The following VRK1 variants were observed in gnomAD, a reference collection of about 807,000 sequenced individuals.
VRK1 encodes serine/threonine-protein kinase VRK1.
A neutral mutation model predicts 57.1 loss-of-function variants in VRK1; 33 were observed. The ratio of observed to expected loss-of-function variants is 0.58; its 90% CI spans 0.44 to 0.77. The LOEUF (loss-of-function observed/expected upper bound fraction) is 0.77, where lower values mean the gene tolerates loss of function less well. Among genes scored for constraint, VRK1 ranks in the 30% least tolerant of loss-of-function variants. VRK1 has a pLI of 0.00. For synonymous variants in VRK1, 137 were observed against 147.8 expected, an observed-to-expected ratio of 0.93 and a Z score of 0.53; for missense variants, 413 against 477.3, an observed-to-expected ratio of 0.87 and a Z score of 1.25.
intron 5 of VRK1, among the ~76,000 whole-genome samples, chr14:96,848,317 C>T (rs1887797229): frequency 6.6e-6 from 1 of 152,154 alleles, no homozygotes; most frequent in Non-Finnish European, 1.5e-5. Flanking sequence ...AAAGCTTTCC[C>T]AGGAGCCCTG....
At chr14:96,880,415 A>G (rs1320117489) in intron 12 of VRK1, among the ~76,000 whole-genome samples, 1 of 152,208 alleles carries the variant, frequency 6.6e-6, no homozygotes, top group African/African-American at 2.4e-5. Flanking sequence ...GGCAGTGGGA[A>G]AGAAATGGCC....
At chr14:96,847,089 C>T (rs1003203417) in intron 4 of VRK1, among the ~76,000 whole-genome samples, 168 bp from the exon 5 acceptor site, 1 of 152,084 alleles carries the variant, frequency 6.6e-6, no homozygotes, top group African/African-American at 2.4e-5. Flanking sequence ...ATGTTTTCAT[C>T]GTAAAATGCT....
At chr14:96,833,776 C>G in intron 2 of VRK1, 145 bp downstream of exon 2, 1 of 1,180,402 alleles carries the variant, frequency 8.5e-7, no homozygotes, top group Non-Finnish European at 1.2e-6. Flanking sequence ...AAATGCATCT[C>G]TGACGTAGGA....
intron 12 of VRK1, chr14:96,877,455 A>G: frequency 1.6e-6 from 2 of 1,272,958 alleles, no homozygotes; most frequent in Non-Finnish European, 2.1e-6. Flanking sequence ...TCCTTTCGCT[A>G]CTGTCTTTTT....
At chr14:96,839,923 C>T (rs546698619) in intron 3 of VRK1, among the ~76,000 whole-genome samples, 4 of 152,074 alleles carry the variant, frequency 2.6e-5, no homozygotes, top group East Asian at 1.9e-4. Context: ...GAGTGTTGAC[C>T]GAACTTTGTA....
At chr14:96,806,397 G>C (rs905807280) in intron 1 of VRK1, among the ~76,000 whole-genome samples, 1 of 152,218 alleles carries the variant, frequency 6.6e-6, no homozygotes, top group Non-Finnish European at 1.5e-5. Flanking sequence ...CTCCTAGCCA[G>C]CTAGGTTTAC....
At chr14:96,846,018 G>C in intron 3 of VRK1, 77 bp from the exon 4 acceptor site, 2 of 1,276,600 alleles carry the variant, frequency 1.6e-6, no homozygotes, top group South Asian at 2.4e-5. Context: ...AGATTTGTTG[G>C]TCTTTTTTGA....
In VRK1 at chr14:96,860,842, A is replaced by G. The variant is rs573999572; in HGVS notation, c.1068+107A>G. 1.4e-4 allele frequency: 169 copies of G among 1,230,146 alleles called. 1 individual carries two copies. The African/African-American group carries it at 2.3e-3, about 17-fold the overall frequency. 76.2% of individuals were successfully genotyped at this position (1,230,146 alleles called of 1,614,324 possible). A position where few individuals can be genotyped will look rare whatever the true frequency, so the allele number is the denominator to read the frequency against. On this transcript the variant is annotated intron_variant, in intron 11 of 12. Transcript: ENST00000216639. ...TCAATGAAGAACAATAACAGATTGCATGGCAATTAAGGCAAACATTTTTTG... is the reference window on the plus strand; with the variant it reads ...TCAATGAAGAACAATAACAGATTGCGTGGCAATTAAGGCAAACATTTTTTG...
At chr14:96,864,539 G>A (rs904766116) in intron 11 of VRK1, among the ~76,000 whole-genome samples, 1 of 152,024 alleles carries the variant, frequency 6.6e-6, no homozygotes, top group Non-Finnish European at 1.5e-5. Context: ...TCCAGTTTCC[G>A]GCAGTTGTGA....
intron 3 of VRK1, among the ~76,000 whole-genome samples, chr14:96,839,915 G>A (rs944815398): frequency 5.9e-5 from 9 of 152,208 alleles, no homozygotes; most frequent in African/African-American, 2.2e-4. Context: ...TGATATTTGA[G>A]TGTTGACCGA....
rs569475303 is a variant in VRK1, at chr14:96,859,653, G to A, written c.890-904G>A. On this transcript the variant is annotated intron_variant, in intron 10 of 12. Transcript: ENST00000216639. ...TGAGTTAATGAATGTGTGTATATAT[G>A]CACACGCTTGTGTGTGTGTGTGTAG... Among the ~76,000 whole-genome samples the A allele has an allele frequency of 8.5e-5, 13 of 152,184 alleles. 1 individual carries two copies. The highest frequency in any genetic ancestry group is 3.1e-4 in the African/African-American group (13 of 41,518).
At chr14:96,871,648 C>T (rs1340943138) in intron 11 of VRK1, among the ~76,000 whole-genome samples, 2 of 152,170 alleles carry the variant, frequency 1.3e-5, no homozygotes, top group Non-Finnish European at 2.9e-5. Flanking sequence ...CAGTGCCAGG[C>T]ACACAGTAGA....
At chr14:96,824,450 C>T (rs529240920) in intron 1 of VRK1, among the ~76,000 whole-genome samples, 7 of 152,024 alleles carry the variant, frequency 4.6e-5, no homozygotes, top group Admixed American at 3.9e-4. Context: ...GATTCAGTGT[C>T]AGCTAGATTT....
chr14:96,798,755 C>T (rs1252962287), intron 1 of VRK1, among the ~76,000 whole-genome samples: 1 of 152,102 alleles, frequency 6.6e-6, no homozygotes, highest in Non-Finnish European at 1.5e-5. Context: ...CAGAAGGAAG[C>T]AAGGGTTCTT....
chr14:96,810,786 T>C (rs564994863), intron 1 of VRK1, among the ~76,000 whole-genome samples: 72 of 152,368 alleles, frequency 4.7e-4, no homozygotes, highest in African/African-American at 1.6e-3. Flanking sequence ...AGAATCTTCT[T>C]ATATCTGGAT....
At chr14:96,864,673 T>C (rs1312498764) in intron 11 of VRK1, among the ~76,000 whole-genome samples, 3 of 152,142 alleles carry the variant, frequency 2.0e-5, no homozygotes, top group African/African-American at 7.2e-5. Context: ...TTTGTAGATA[T>C]TGCCAATTTT....
intron 11 of VRK1, among the ~76,000 whole-genome samples, chr14:96,867,457 G>GT (rs1491106991): frequency 1.3e-4 from 1 of 7,634 alleles, no homozygotes; most frequent in East Asian, 0.025. Context: ...CTGTGCACAA[G>GT]TGTGTGTGTG....
intron 10 of VRK1, 56 bp downstream of exon 10, chr14:96,856,642 G>T (rs1888167086): frequency 1.4e-6 from 2 of 1,450,080 alleles, no homozygotes; most frequent in Non-Finnish European, 1.9e-6. Context: ...GGATAAAAAG[G>T]CATGATATCC....
intron 1 of VRK1, among the ~76,000 whole-genome samples, chr14:96,815,687 C>T (rs1886364904): frequency 1.3e-5 from 2 of 151,266 alleles, no homozygotes; most frequent in Admixed American, 1.3e-4. Context: ...AGTTTGAGAC[C>T]AACCTGGGCA....
Sources: allele counts gnomAD v4.1 joint callset (sites outside exome capture counted in the v4.1 genomes callset), GRCh38; gene constraint gnomAD v4.1.1; transcripts MANE v1.5; gene names NCBI Gene and HGNC (gene_info 2026-07-23, HGNC 2026-07-21).